COL18A1: variants seen among roughly 807,000 people sequenced by gnomAD.
COL18A1 encodes the protein collagen type XVIII alpha 1 chain, also known as collagen alpha-1(XVIII) chain.
COL18A1 carries 133 observed loss-of-function variants against 168.0 expected under a neutral mutation model. The observed-to-expected ratio is 0.79, with a 90% CI of 0.69 to 0.91. The LOEUF (loss-of-function observed/expected upper bound fraction) is 0.91, where lower values mean the gene tolerates loss of function less well. Among genes scored for constraint, COL18A1 ranks in the 40% least tolerant of loss-of-function variants. COL18A1 has a pLI of 0.00. For synonymous variants in COL18A1, 949 were observed against 809.0 expected (o/e 1.17, Z -2.94); for missense variants, 2,126 against 1,925.4 (o/e 1.10, Z -1.95).
intron 17 of COL18A1, 180 bp downstream of exon 17, chr21:45,487,689 C>A: frequency 1.3e-6 from 1 of 774,270 alleles, no homozygotes; most frequent in East Asian, 2.6e-5. Flanking sequence ...CGGAGATGCC[C>A]CTTCATTGAA....
Position 45,492,568 on chromosome 21 carries a change from T to G in COL18A1, c.2187+4T>G. 2 of 1,613,188 alleles carry G rather than the reference T, an allele frequency of 1.2e-6. No individual in the cohort carries two copies. Among genetic ancestry groups the G allele is most frequent in the Non-Finnish European group, 1.7e-6 (2 of 1,179,982 alleles). On this transcript the variant is annotated splice_donor_region_variant and intron_variant, in intron 23 of 41. Transcript: ENST00000651438. ...CCTGAGCGTGCCGGGACCTGAGGTA[T>G]GTGCCTGCCCAGCTTCTAAGAGACG...
chr21:45,487,747 G>A, intron 17 of COL18A1: 1 of 667,142 alleles, frequency 1.5e-6, no homozygotes, highest in Non-Finnish European at 2.8e-6. Context: ...GAGACACTGT[G>A]AGTGGTCAAG....
In COL18A1 at chr21:45,497,047, C is replaced by G; in HGVS notation, c.2578-3C>G. Reference sequence around the variant, plus strand: ...AGCAGCCGCCTCTCCCCGTTCCTTGCAGGTGTTTGCTGAGTCCAGCCGCCC... The same window carrying G: ...AGCAGCCGCCTCTCCCCGTTCCTTGGAGGTGTTTGCTGAGTCCAGCCGCCC... On this transcript the variant is annotated splice_polypyrimidine_tract_variant and splice_region_variant and intron_variant, in intron 30 of 41. Transcript: ENST00000651438. 1 of 1,601,516 alleles carries G rather than the reference C, an allele frequency of 6.2e-7. No individual in the cohort carries two copies.
chr21:45,508,133 G>A (rs533603417), intron 38 of COL18A1, among the ~76,000 whole-genome samples: 20 of 151,854 alleles, frequency 1.3e-4, no homozygotes, highest in African/African-American at 4.8e-4. Flanking sequence ...ACGGGTGGGT[G>A]GGTGGATGGA....
intron 2 of COL18A1, among the ~76,000 whole-genome samples, chr21:45,453,755 A>G (rs1323428738): frequency 6.6e-6 from 1 of 152,136 alleles, no homozygotes; most frequent in South Asian, 2.1e-4. Context: ...GCTCAGTGCC[A>G]TGGGGCTGCC....
intron 2 of COL18A1, among the ~76,000 whole-genome samples, chr21:45,411,780 G>GGGGGGGGGGC (rs2033304561): frequency 7.4e-6 from 1 of 135,964 alleles, no homozygotes; most frequent in African/African-American, 2.8e-5. Context: ...GGGGGGGCAG[G>GGGGGGGGGGC]CTGTGGTCAG....
chr21:45,408,644 C>T (rs926839095), intron 2 of COL18A1: 2 of 152,228 alleles, frequency 1.3e-5, no homozygotes, highest in Non-Finnish European at 2.9e-5. Flanking sequence ...CCCACAACAC[C>T]CTCCCCAGCC....
chr21:45,496,266 C>G, intron 29 of COL18A1: 1 of 703,748 alleles, frequency 1.4e-6, no homozygotes, highest in East Asian at 2.7e-5. Flanking sequence ...GGCCTCTTCA[C>G]TCCTCCCGAG....
chr21:45,503,736 T>G (rs558895269), intron 32 of COL18A1, among the ~76,000 whole-genome samples: 9 of 151,742 alleles, frequency 5.9e-5, no homozygotes, highest in Non-Finnish European at 1.0e-4. Flanking sequence ...TGTATACATA[T>G]GTAACTAACC....
chr21:45,468,683 T>C lies in COL18A1; in HGVS notation c.548T>C (p.Phe183Ser). Residue 183 changes from phenylalanine to serine, a missense_variant, in exon 3 of 42, where the codon TTC (phenylalanine) becomes TCC (serine). Phe to Ser is a radical substitution (Grantham distance 155, BLOSUM62 -2). Transcript: ENST00000651438. Reference sequence around the variant, plus strand: ...GCCCTCTACGTGGACTGTGAGGAGTTCCAGAGAATGCCGCTTGCTCGGTCC... The same window carrying C: ...GCCCTCTACGTGGACTGTGAGGAGTCCCAGAGAATGCCGCTTGCTCGGTCC... Reference protein sequence around the residue: ...FVALYVDCEEFQRMPLARSSR... With the variant: ...FVALYVDCEESQRMPLARSSR... 1 of 1,613,802 alleles carries C rather than the reference T, an allele frequency of 6.2e-7. No homozygotes were observed. Among genetic ancestry groups the C allele is most frequent in the East Asian group, 2.2e-5 (1 of 44,882 alleles).
intron 2 of COL18A1, among the ~76,000 whole-genome samples, chr21:45,407,838 T>C (rs1355733275): frequency 6.6e-6 from 1 of 152,226 alleles, no homozygotes; most frequent in Non-Finnish European, 1.5e-5. Context: ...AGCCCAGTGA[T>C]GTGGGTACAA....
chr21:45,484,176 ACAC>A (rs2036006950), intron 15 of COL18A1, among the ~76,000 whole-genome samples: 1 of 144,742 alleles, frequency 6.9e-6, no homozygotes, highest in South Asian at 2.2e-4. Context: ...ACACGCGCAC[ACAC>A]CTCTCCAGCA....
chr21:45,505,110 A>T, intron 34 of COL18A1, 24 bp from the exon 35 acceptor site: 1 of 1,604,376 alleles, frequency 6.2e-7, no homozygotes, highest in South Asian at 1.1e-5. Flanking sequence ...GTAACCAGGA[A>T]GCGTCTCTTG....
intron 1 of COL18A1, 44 bp downstream of exon 1, chr21:45,405,285 C>CGGCTGCGGGGCTGCGGGGGTCGCGG: frequency 3.5e-6 from 1 of 282,922 alleles, no homozygotes; most frequent in Non-Finnish European, 5.1e-6. Flanking sequence ...CGCCAAGATG[C>CGGCTGCGGGGCTGCGGGGGTCGCGG]GGCTGCGGGG....
At chr21:45,449,436 G>A (rs1028616299) in intron 2 of COL18A1, among the ~76,000 whole-genome samples, 2 of 152,178 alleles carry the variant, frequency 1.3e-5, no homozygotes, top group Non-Finnish European at 2.9e-5. Context: ...CGGTCAGAGG[G>A]ACACCAGAGC....
chr21:45,484,349 CAT>C (rs1175541526), intron 15 of COL18A1, among the ~76,000 whole-genome samples: 7 of 144,018 alleles, frequency 4.9e-5, no homozygotes, highest in Non-Finnish European at 9.1e-5. Flanking sequence ...ACATCTCCAG[CAT>C]ATGTGCGCAC....
chr21:45,432,221 G>T (rs2033983426), intron 2 of COL18A1, among the ~76,000 whole-genome samples: 1 of 148,774 alleles, frequency 6.7e-6, no homozygotes, highest in African/African-American at 2.6e-5. Flanking sequence ...CCTCATGGGG[G>T]GTCCTGAAGG....
intron 40 of COL18A1, 106 bp downstream of exon 40, chr21:45,510,367 G>A (rs962827285): frequency 7.8e-7 from 1 of 1,283,434 alleles, no homozygotes; most frequent in Non-Finnish European, 1.1e-6. Flanking sequence ...AGGCCACCAT[G>A]TTACAGACAC....
chr21:45,413,236 C>T (rs372371099), intron 2 of COL18A1, among the ~76,000 whole-genome samples: 2 of 152,358 alleles, frequency 1.3e-5, no homozygotes, highest in East Asian at 3.9e-4. Context: ...AGCTTTTGTG[C>T]TGCTTCTTAC....
Sources: gnomAD v4.1 joint callset for allele counts (sites outside exome capture counted in the v4.1 genomes callset) on GRCh38, gnomAD v4.1.1 for gene constraint, MANE v1.5 for transcripts, NCBI Gene and HGNC (gene_info 2026-07-23, HGNC 2026-07-21) for gene names.